LIPJ: variants seen among roughly 807,000 people sequenced by gnomAD.
The protein encoded by LIPJ is lipase member J.
LIPJ carries 33 observed loss-of-function variants against 39.8 expected under a neutral mutation model. The observed-to-expected ratio is 0.83, with a 90% CI of 0.63 to 1.11. The LOEUF (loss-of-function observed/expected upper bound fraction) is 1.11, where lower values mean the gene tolerates loss of function less well. Ranked by LOEUF, LIPJ falls within the 50% of genes least tolerant of loss-of-function variation. The pLI is 0.00. For synonymous variants in LIPJ, 128 were observed against 139.2 expected (o/e 0.92, Z 0.57); for missense variants, 422 against 427.9 (o/e 0.99, Z 0.12).
chr10:88,593,941 C>T lies in LIPJ; in HGVS notation c.131-5C>T, dbSNP rs1193507713. 6.3e-7 allele frequency: 1 copy of T among 1,586,800 alleles called. No individual in the cohort carries two copies. The highest frequency in any genetic ancestry group is 1.8e-5 in the Admixed American group (1 of 54,092). ...TATAAAGAACTTTCTACATTTTTTT[C>T]TCAGCTCAGAGGGTTGTTGTATACT... On this transcript the variant is annotated splice_region_variant and splice_polypyrimidine_tract_variant and intron_variant, in intron 4 of 10. Transcript: ENST00000371939.
chr10:88,601,539 A>C (rs112912130), intron 8 of LIPJ, among the ~76,000 whole-genome samples: 2 of 152,116 alleles, frequency 1.3e-5, no homozygotes, highest in African/African-American at 2.4e-5. Flanking sequence ...CAGCAAGACT[A>C]CCATTCTCTG....
intron 2 of LIPJ, among the ~76,000 whole-genome samples, chr10:88,588,274 A>C (rs931535022): frequency 4.0e-5 from 6 of 151,874 alleles, no homozygotes; most frequent in Non-Finnish European, 8.9e-5. Context: ...TAAAAACTCT[A>C]TCTCTCCAAG....
the LIPJ span, among the ~76,000 whole-genome samples, chr10:88,619,357 T>C: frequency 7.7e-4 from 117 of 151,952 alleles, no homozygotes; most frequent in African/African-American, 2.5e-3. Context: ...TTCTTCTAAT[T>C]CATACATATA....
chr10:88,600,458 C>A (rs532374180), intron 8 of LIPJ, among the ~76,000 whole-genome samples: 67 of 152,252 alleles, frequency 4.4e-4, no homozygotes, highest in African/African-American at 1.6e-3. Flanking sequence ...GTCCATTTGA[C>A]TATAAAATAA....
At chr10:88,618,635 T>C in the LIPJ span, 1 of 152,862 alleles carries the variant, frequency 6.5e-6, no homozygotes, top group South Asian at 2.0e-4. Flanking sequence ...GCAACACCTT[T>C]TGGACTCACA....
At chr10:88,585,196 GT>G (rs754935767), upstream of LIPJ, among the ~76,000 whole-genome samples, 82 of 152,308 alleles carry the variant, frequency 5.4e-4, no homozygotes, top group Non-Finnish European at 6.9e-4. Context: ...GTTCAAGTGA[GT>G]TTGCCCAAGG....
In LIPJ at chr10:88,598,744, T is replaced by C. The variant is rs184556937; in HGVS notation, c.723+1808T>C. Among the ~76,000 whole-genome samples, 70 of 151,924 alleles carry C rather than the reference T, an allele frequency of 4.6e-4. 1 individual carries two copies. In the East Asian group the frequency reaches 0.013, roughly 28 times the overall value. Reference sequence around the variant, plus strand: ...GTGCGATTTGGGTTGTATAAGCCTCTGACCTACATTAAGGTAAACAGTAGT... The same window carrying C: ...GTGCGATTTGGGTTGTATAAGCCTCCGACCTACATTAAGGTAAACAGTAGT... On this transcript the variant is annotated intron_variant, in intron 8 of 10. Coordinates refer to ENST00000371939, the Ensembl canonical transcript of LIPJ.
At chr10:88,590,203 T>C (rs986087830) in intron 2 of LIPJ, among the ~76,000 whole-genome samples, 2 of 151,750 alleles carry the variant, frequency 1.3e-5, no homozygotes, top group East Asian at 3.9e-4. Context: ...AAAAAACAAT[T>C]AAATATATGT....
chr10:88,599,388 T>A (rs1204392431), intron 8 of LIPJ, among the ~76,000 whole-genome samples: 1 of 152,010 alleles, frequency 6.6e-6, no homozygotes, highest in Non-Finnish European at 1.5e-5. Flanking sequence ...TAACTGAAAG[T>A]TTATACCCTT....
intron 8 of LIPJ, among the ~76,000 whole-genome samples, chr10:88,599,040 G>T (rs1445784057): frequency 6.9e-6 from 1 of 144,346 alleles, no homozygotes. Context: ...ATATATAGAG[G>T]ACATGATAAA....
chr10:88,617,600 GAAGA>G, the LIPJ span, among the ~76,000 whole-genome samples: 22 of 152,234 alleles, frequency 1.4e-4, no homozygotes, highest in Non-Finnish European at 2.2e-4. Flanking sequence ...GGGAAATGAT[GAAGA>G]AAGGGGAAAG....
chr10:88,622,592 G>A, the LIPJ span, among the ~76,000 whole-genome samples: 1 of 152,206 alleles, frequency 6.6e-6, no homozygotes, highest in South Asian at 2.1e-4. Context: ...ACTGACCCAG[G>A]GACCAGACTT....
the LIPJ span, among the ~76,000 whole-genome samples, chr10:88,617,005 A>T: frequency 6.6e-6 from 1 of 152,076 alleles, no homozygotes; most frequent in Non-Finnish European, 1.5e-5. Flanking sequence ...CTAATCCCAT[A>T]GCCCCACCAC....
At chr10:88,590,588 C>T (rs1698192994) in exon 3 of LIPJ, 1 of 922,966 alleles carries the variant, frequency 1.1e-6, no homozygotes, top group South Asian at 1.3e-5. Flanking sequence ...TATATAGGTC[C>T]CAAACGTGGT....
intron 4 of LIPJ, chr10:88,592,287 C>T (rs976236726): frequency 2.0e-5 from 3 of 151,816 alleles, no homozygotes; most frequent in Non-Finnish European, 4.4e-5. Context: ...AGCAGAAAAT[C>T]TTAACATAGA....
upstream of LIPJ, chr10:88,583,490 G>T: frequency 8.0e-7 from 1 of 1,253,896 alleles, no homozygotes; most frequent in South Asian, 1.8e-5. Context: ...AAATGGTGTG[G>T]GCTATTGTTG....
At chr10:88,622,116 G>C in the LIPJ span, among the ~76,000 whole-genome samples, 1 of 152,268 alleles carries the variant, frequency 6.6e-6, no homozygotes, top group Admixed American at 6.5e-5. Flanking sequence ...TAGAAAGCAC[G>C]TCACCTCTGT....
At chr10:88,610,896 A>T (rs1851742499), downstream of LIPJ, among the ~76,000 whole-genome samples, 1 of 152,244 alleles carries the variant, frequency 6.6e-6, no homozygotes, top group Non-Finnish European at 1.5e-5. Context: ...TAAGTCTAAA[A>T]TCTTAAACTA....
the LIPJ span, among the ~76,000 whole-genome samples, chr10:88,617,527 G>A: frequency 3.9e-5 from 6 of 152,208 alleles, no homozygotes; most frequent in South Asian, 4.2e-4. Flanking sequence ...ACATAAGAAC[G>A]GAGAAGACAG....
Sources: gnomAD v4.1 joint callset for allele counts (sites outside exome capture counted in the v4.1 genomes callset) on GRCh38, gnomAD v4.1.1 for gene constraint, MANE v1.5 for transcripts, NCBI Gene and HGNC (gene_info 2026-07-23, HGNC 2026-07-21) for gene names.